Variants in FGF12 observed in about 807,000 individuals in gnomAD.
FGF12 encodes the protein fibroblast growth factor 12B.
In FGF12, 14 loss-of-function variants were observed where a neutral mutation model predicts 23.6. That is an observed-to-expected ratio of 0.59 (90% CI 0.39 to 0.93). The LOEUF (loss-of-function observed/expected upper bound fraction) is 0.93, where lower values mean the gene tolerates loss of function less well. Ranked by LOEUF, FGF12 falls within the 40% of genes least tolerant of loss-of-function variation. The pLI is 0.00. For synonymous variants in FGF12, 62 were observed against 77.3 expected, an observed-to-expected ratio of 0.80 and a Z score of 1.04; for missense variants, 175 against 217.8, an observed-to-expected ratio of 0.80 and a Z score of 1.24.
intron 3 of FGF12, among the ~76,000 whole-genome samples, chr3:192,343,163 C>T (rs1299345057): frequency 6.6e-6 from 1 of 152,106 alleles, no homozygotes; most frequent in Admixed American, 6.5e-5. Context: ...TTTAGAAATT[C>T]TAGATCTATT....
At chr3:192,351,444 T>A (rs1229025620) in intron 3 of FGF12, among the ~76,000 whole-genome samples, 1 of 152,242 alleles carries the variant, frequency 6.6e-6, no homozygotes, top group Non-Finnish European at 1.5e-5. Flanking sequence ...GGGTTTGTAC[T>A]GTTCGTTTAA....
chr3:192,709,189 G>T (rs1718585751), intron 2 of FGF12, among the ~76,000 whole-genome samples: 1 of 152,162 alleles, frequency 6.6e-6, no homozygotes, highest in African/African-American at 2.4e-5. Flanking sequence ...CCCTGAATTT[G>T]CTGGCTGATT....
At chr3:192,230,350 G>A (rs1226242799) in intron 4 of FGF12, among the ~76,000 whole-genome samples, 1 of 152,080 alleles carries the variant, frequency 6.6e-6, no homozygotes, top group African/African-American at 2.4e-5. Context: ...CTACATAACT[G>A]TTTTGGCATA....
chr3:192,609,276 C>G (rs1262634664), intron 2 of FGF12, among the ~76,000 whole-genome samples: 1 of 152,038 alleles, frequency 6.6e-6, no homozygotes, highest in Non-Finnish European at 1.5e-5. Flanking sequence ...CCATACAACA[C>G]AGATTTTCCT....
chr3:192,417,712 T>C (rs966200840), intron 2 of FGF12, among the ~76,000 whole-genome samples: 2 of 151,982 alleles, frequency 1.3e-5, no homozygotes, highest in African/African-American at 4.8e-5. Context: ...CTAGGAGAGT[T>C]TCCCTTATCT....
chr3:192,445,687 C>A (rs77623127), intron 2 of FGF12, among the ~76,000 whole-genome samples: 1,571 of 152,262 alleles, frequency 0.01, 22 homozygotes, highest in African/African-American at 0.037. Context: ...CATGCAGCAG[C>A]GTTTTGCACG....
chr3:192,193,324 C>T (rs756153925), intron 4 of FGF12, among the ~76,000 whole-genome samples: 13 of 152,118 alleles, frequency 8.5e-5, no homozygotes, highest in Non-Finnish European at 1.8e-4. Context: ...ACAACTTCAA[C>T]TCTTATGCCT....
rs553221011 is a variant in FGF12 at position 192,309,217 on chromosome 3, C to T, written c.228+26144G>A. On this transcript the variant is annotated intron_variant, in intron 4 of 5. Transcript: ENST00000445105. ...ACACAGCCATTAGTGGAAAGAAAGACTGCTGCTATGATTTAGACCATTCAG... is the reference window on the plus strand; with the variant it reads ...ACACAGCCATTAGTGGAAAGAAAGATTGCTGCTATGATTTAGACCATTCAG... Among the ~76,000 whole-genome samples, 6 of 152,300 alleles carry T rather than the reference C, an allele frequency of 3.9e-5. No homozygotes were observed. In the East Asian group the frequency reaches 9.7e-4, roughly 25 times the overall value.
chr3:192,617,738 C>T (rs755901586), intron 2 of FGF12, among the ~76,000 whole-genome samples: 1 of 151,982 alleles, frequency 6.6e-6, no homozygotes, highest in Non-Finnish European at 1.5e-5. Flanking sequence ...CAACAACCAC[C>T]AGGTAGAAGA....
chr3:192,649,708 G>C (rs868093244), intron 2 of FGF12, among the ~76,000 whole-genome samples: 1 of 148,652 alleles, frequency 6.7e-6, no homozygotes, highest in Non-Finnish European at 1.5e-5. Flanking sequence ...GGCGTGCACC[G>C]TCACATGCCT....
At chr3:192,649,455 T>C (rs9818359) in intron 2 of FGF12, among the ~76,000 whole-genome samples, 86,776 of 152,018 alleles carry the variant, frequency 0.57, 25,181 homozygotes, top group East Asian at 0.67. Context: ...GCCTTGACAA[T>C]GTAGTTTTAT....
intron 2 of FGF12, among the ~76,000 whole-genome samples, chr3:192,435,779 T>C (rs1722005184): frequency 6.6e-6 from 1 of 152,210 alleles, no homozygotes; most frequent in African/African-American, 2.4e-5. Flanking sequence ...CTGTTTGGGC[T>C]CTGAGGATAC....
chr3:192,537,454 G>A (rs191922137), intron 2 of FGF12, among the ~76,000 whole-genome samples: 1 of 152,022 alleles, frequency 6.6e-6, no homozygotes, highest in East Asian at 1.9e-4. Flanking sequence ...CCACATGCTG[G>A]CCAGTGTTTG....
At position 192,422,238 on chromosome 3, in the gene FGF12, T is replaced by C. The variant is rs1576970250; in HGVS notation, c.14-61700A>G. Among the ~76,000 whole-genome samples, 3 of 152,308 alleles carry C rather than the reference T, an allele frequency of 2.0e-5. No individual in the cohort carries two copies. The East Asian group carries it at 5.8e-4, about 29-fold the overall frequency. On this transcript the variant is annotated intron_variant, in intron 2 of 5. Coordinates refer to ENST00000445105, the MANE Select transcript of FGF12 (RefSeq NM_004113.6). Reference sequence around the variant, plus strand: ...AGCTGAATTTTTATTCTGATGTTACTTACTCAGTACGGAACTTTGAACAAA... The same window carrying C: ...AGCTGAATTTTTATTCTGATGTTACCTACTCAGTACGGAACTTTGAACAAA...
chr3:192,498,479 A>G (rs895846352), intron 2 of FGF12, among the ~76,000 whole-genome samples: 1 of 152,254 alleles, frequency 6.6e-6, no homozygotes, highest in Non-Finnish European at 1.5e-5. Context: ...ATAAAAATGC[A>G]TGTAGGTCCT....
intron 4 of FGF12, among the ~76,000 whole-genome samples, chr3:192,303,581 T>C (rs775544264): frequency 1.3e-5 from 2 of 152,300 alleles, no homozygotes; most frequent in Middle Eastern, 3.4e-3. Flanking sequence ...CCAGGGACTA[T>C]TAGAATTTCA....
intron 4 of FGF12, among the ~76,000 whole-genome samples, chr3:192,296,309 G>C (rs1280455528): frequency 1.4e-5 from 2 of 148,058 alleles, no homozygotes; most frequent in African/African-American, 2.5e-5. Flanking sequence ...CTGCAGCCTT[G>C]ACCTCCCAGG....
chr3:192,547,781 G>A (rs1379950962), intron 2 of FGF12, among the ~76,000 whole-genome samples: 1 of 152,002 alleles, frequency 6.6e-6, no homozygotes, highest in Non-Finnish European at 1.5e-5. Context: ...CACTGGCCAG[G>A]GTTGCCTTTC....
At chr3:192,231,457 T>G (rs1320451218) in intron 4 of FGF12, among the ~76,000 whole-genome samples, 2 of 152,162 alleles carry the variant, frequency 1.3e-5, no homozygotes, top group Non-Finnish European at 2.9e-5. Flanking sequence ...TATAAAACTA[T>G]TAGGTTGGTG....
Sources: gnomAD v4.1 joint callset for allele counts (sites outside exome capture counted in the v4.1 genomes callset) on GRCh38, gnomAD v4.1.1 for gene constraint, MANE v1.5 for transcripts, NCBI Gene and HGNC (gene_info 2026-07-23, HGNC 2026-07-21) for gene names.